The following PDE4D variants were observed in gnomAD, a reference collection of about 807,000 sequenced individuals.
PDE4D encodes phosphodiesterase 4D.
Under a neutral mutation model 87.4 loss-of-function variants are expected in PDE4D, and 24 were observed. That is an observed-to-expected ratio of 0.27 (90% confidence interval 0.20 to 0.39). PDE4D has a LOEUF of 0.39. PDE4D is among the 10% of genes least tolerant of loss of function. PDE4D has a pLI of 1.00. For synonymous variants in PDE4D, 384 were observed against 383.2 expected (o/e 1.00, Z -0.02); for missense variants, 714 against 1,041.0 (o/e 0.69, Z 4.32).
chr5:59,719,150 C>T (rs1343781973), intron 1 of PDE4D, among the ~76,000 whole-genome samples: 1 of 152,018 alleles, frequency 6.6e-6, no homozygotes, highest in Non-Finnish European at 1.5e-5. Context: ...AACAATGGGA[C>T]TATTCTAAAC....
chr5:60,502,922 A>G (rs541544124), intron 1 of PDE4D, among the ~76,000 whole-genome samples: 4 of 152,260 alleles, frequency 2.6e-5, no homozygotes, highest in African/African-American at 9.6e-5. Context: ...AAGTTACTAT[A>G]TTCAGCATTA....
intron 1 of PDE4D, among the ~76,000 whole-genome samples, chr5:60,279,297 C>T (rs888177945): frequency 7.2e-5 from 11 of 152,156 alleles, no homozygotes; most frequent in Admixed American, 5.9e-4. Context: ...GAAGAAAGAG[C>T]ACCCTATTAC....
intron 5 of PDE4D, among the ~76,000 whole-genome samples, chr5:59,103,628 T>C (rs1274284827): frequency 6.6e-6 from 1 of 152,198 alleles, no homozygotes; most frequent in Non-Finnish European, 1.5e-5. Context: ...TATTGACTTC[T>C]GGCTGGCAAG....
Position 59,108,886 on chromosome 5 carries a change from G to A in PDE4D, c.809-69915C>T, listed in dbSNP as rs150512346. Among the ~76,000 whole-genome samples, 4 of 140,832 alleles carry A rather than the reference G, an allele frequency of 2.8e-5. No individual in the cohort carries two copies. The East Asian group carries it at 8.1e-4, about 29-fold the overall frequency. The allele number at this position is 140,832 out of a possible 152,430, so 92.4% of individuals were successfully genotyped here. A position where few individuals can be genotyped will look rare whatever the true frequency, so the allele number is the denominator to read the frequency against. ...CGCACCACTGCACTCCAGCCTGGGT[G>A]ACAGAGTGAGATTCCTTCTCAAAAA... On this transcript the variant is annotated intron_variant, in intron 5 of 14. Transcript: ENST00000340635.
intron 5 of PDE4D, among the ~76,000 whole-genome samples, chr5:59,142,575 C>A (rs1239619394): frequency 2.6e-5 from 4 of 152,294 alleles, no homozygotes; most frequent in African/African-American, 9.6e-5. Flanking sequence ...TTTTTGAAAT[C>A]ACACAAAGGG....
intron 1 of PDE4D, chr5:59,586,829 T>C (rs1825216991): frequency 1.0e-6 from 1 of 985,352 alleles, no homozygotes; most frequent in Non-Finnish European, 1.2e-6. Context: ...AATGGAAAAC[T>C]TCAGGTTGCT....
intron 1 of PDE4D, among the ~76,000 whole-genome samples, chr5:59,849,235 T>C (rs980490606): frequency 6.6e-6 from 1 of 152,000 alleles, no homozygotes; most frequent in Non-Finnish European, 1.5e-5. Flanking sequence ...AATTATAGAA[T>C]GCTTTTTCAA....
chr5:60,247,346 G>A (rs4328990), intron 1 of PDE4D, among the ~76,000 whole-genome samples: 58,185 of 151,692 alleles, frequency 0.38, 11,681 homozygotes, highest in Admixed American at 0.45. Context: ...CTAAGCATCC[G>A]TAGCAGGGAT....
At chr5:59,829,752 T>C (rs1740899881) in intron 1 of PDE4D, among the ~76,000 whole-genome samples, 1 of 152,048 alleles carries the variant, frequency 6.6e-6, no homozygotes, top group South Asian at 2.1e-4. Context: ...TATTGCTCAA[T>C]TTTTTACTAG....
intron 5 of PDE4D, among the ~76,000 whole-genome samples, chr5:59,152,181 T>C (rs1779566372): frequency 6.6e-6 from 1 of 152,136 alleles, no homozygotes; most frequent in Non-Finnish European, 1.5e-5. Flanking sequence ...ATGGGAATAA[T>C]AATTTTACCT....
chr5:59,811,400 C>A (rs993781853), intron 1 of PDE4D, among the ~76,000 whole-genome samples: 3 of 152,206 alleles, frequency 2.0e-5, no homozygotes, highest in African/African-American at 7.2e-5. Context: ...CAGATTTATT[C>A]TTTCTCACTT....
rs569590048 is a variant in PDE4D at position 59,942,475 on chromosome 5, A to G, written c.272+46013T>C. On this transcript the variant is annotated intron_variant, in intron 3 of 16. Transcript: ENST00000502484. ...ATCAGCATTTGAAAAAGTCTGAGCT[A>G]GTGTCCTGGACACAGTGAGAGAATA... 5.9e-5 allele frequency among the ~76,000 whole-genome samples: 9 copies of G among 152,296 alleles called. No homozygotes were observed. In the South Asian group the frequency reaches 1.2e-3, roughly 21 times the overall value.
At chr5:59,951,247 C>T (rs1184770341) in intron 3 of PDE4D, among the ~76,000 whole-genome samples, 3 of 152,074 alleles carry the variant, frequency 2.0e-5, no homozygotes, top group African/African-American at 4.8e-5. Context: ...ATACTATTCT[C>T]TTATATCTAA....
intron 1 of PDE4D, among the ~76,000 whole-genome samples, chr5:59,542,233 C>T (rs1816479240): frequency 1.3e-5 from 2 of 152,052 alleles, no homozygotes; most frequent in Non-Finnish European, 2.9e-5. Context: ...TACTGAATCC[C>T]TCACAGCCAC....
chr5:60,456,837 C>A (rs1438937608), intron 1 of PDE4D, among the ~76,000 whole-genome samples: 23 of 152,160 alleles, frequency 1.5e-4, no homozygotes, highest in Admixed American at 1.5e-3. Context: ...TCTGTAGGAA[C>A]ACAAGAAGAT....
At chr5:59,945,851 A>G (rs1405511179) in intron 3 of PDE4D, among the ~76,000 whole-genome samples, 1 of 151,994 alleles carries the variant, frequency 6.6e-6, no homozygotes, top group Admixed American at 6.6e-5. Context: ...CCTCCTAATC[A>G]CCCTCACTTA....
At chr5:60,493,493 G>A (rs75421520) in intron 1 of PDE4D, among the ~76,000 whole-genome samples, 1 of 152,214 alleles carries the variant, frequency 6.6e-6, no homozygotes, top group African/African-American at 2.4e-5. Flanking sequence ...AGACTTAGAC[G>A]TGCTCACTAA....
intron 1 of PDE4D, among the ~76,000 whole-genome samples, chr5:59,538,194 C>A (rs577913357): frequency 2.0e-5 from 3 of 152,264 alleles, no homozygotes; most frequent in African/African-American, 7.2e-5. Context: ...AAACTGACAT[C>A]GAGAGTAGTG....
intron 6 of PDE4D, among the ~76,000 whole-genome samples, chr5:59,020,704 C>A (rs569867467): frequency 4.6e-5 from 7 of 151,548 alleles, no homozygotes; most frequent in Middle Eastern, 6.8e-3. Flanking sequence ...AAAGAGACTT[C>A]TCTTAAGCAG....
Sources: gnomAD v4.1 joint callset for allele counts (sites outside exome capture counted in the v4.1 genomes callset) on GRCh38, gnomAD v4.1.1 for gene constraint, MANE v1.5 for transcripts, NCBI Gene and HGNC (gene_info 2026-07-23, HGNC 2026-07-21) for gene names.